The following TTC27 variants were observed in gnomAD, a reference collection of about 807,000 sequenced individuals.
TTC27 encodes the protein tetratricopeptide repeat protein 27.
TTC27 carries 79 observed loss-of-function variants against 115.9 expected under a neutral mutation model. The observed-to-expected ratio is 0.68, with a 90% CI of 0.57 to 0.82. The LOEUF is 0.82. Ranked by LOEUF, TTC27 falls within the 40% of genes least tolerant of loss-of-function variation. The pLI is 0.00. For missense variants in TTC27, 1,054 were observed against 993.1 expected, an observed-to-expected ratio of 1.06 and a Z score of -0.82; for synonymous variants, 401 against 356.0, an observed-to-expected ratio of 1.13 and a Z score of -1.42.
At chr2:32,788,044 C>G (rs1199374801) in intron 16 of TTC27, among the ~76,000 whole-genome samples, 3 of 152,132 alleles carry the variant, frequency 2.0e-5, no homozygotes, top group African/African-American at 4.8e-5. Context: ...CTGAACAGAT[C>G]TCAGTATATT....
Position 32,812,570 on chromosome 2 carries a change from A to G in TTC27, c.2263A>G (p.Thr755Ala). Residue 755 changes from threonine to alanine, a missense_variant, in exon 18 of 20, where the codon ACA becomes GCA. Transcript: ENST00000317907. ...GTCCAATTGTTGGGAGAAAGATATTACATCATTTAAGGAAGTTGTTCAAAG... is the reference window on the plus strand; with the variant it reads ...GTCCAATTGTTGGGAGAAAGATATTGCATCATTTAAGGAAGTTGTTCAAAG... ...TQSNCWEKDI[T>A]SFKEVVQRAL... 6.2e-7 allele frequency: 1 copy of G among 1,614,132 alleles called. No individual in the cohort carries two copies. Among genetic ancestry groups the G allele is most frequent in the Non-Finnish European group, 8.5e-7 (1 of 1,179,964 alleles).
chr2:32,634,085 C>T (rs1664320118), intron 3 of TTC27, 80 bp downstream of exon 3: 4 of 1,448,180 alleles, frequency 2.8e-6, no homozygotes, highest in Non-Finnish European at 3.7e-6. Flanking sequence ...AACTGGAACT[C>T]ATAGTAGGAA....
chr2:32,670,379 C>T (rs114004761), intron 7 of TTC27, among the ~76,000 whole-genome samples: 2,363 of 152,272 alleles, frequency 0.016, 130 homozygotes, highest in Admixed American at 0.11. Flanking sequence ...CGCCATAGTT[C>T]TTTGCAGTCA....
chr2:32,772,607 C>T (rs1309764655), intron 13 of TTC27, among the ~76,000 whole-genome samples: 1 of 152,110 alleles, frequency 6.6e-6, no homozygotes, highest in African/African-American at 2.4e-5. Flanking sequence ...TTTTCTCTAT[C>T]TGTAGTCTAA....
chr2:32,650,038 A>T, intron 4 of TTC27, 93 bp from the exon 5 acceptor site: 1 of 1,020,710 alleles, frequency 9.8e-7, no homozygotes, highest in Non-Finnish European at 1.5e-6. Flanking sequence ...ATTTAATTTT[A>T]TGAATGTAAA....
At chr2:32,820,060 A>G (rs1435901129) in intron 19 of TTC27, among the ~76,000 whole-genome samples, 1 of 152,272 alleles carries the variant, frequency 6.6e-6, no homozygotes, top group South Asian at 2.1e-4. Flanking sequence ...TGTACAAATC[A>G]TGTAGTCAAA....
chr2:32,818,806 G>T (rs186111440), intron 19 of TTC27, among the ~76,000 whole-genome samples: 33 of 152,128 alleles, frequency 2.2e-4, no homozygotes, highest in Admixed American at 5.9e-4. Flanking sequence ...CTCTGTAACC[G>T]CCTTTCTGAG....
intron 19 of TTC27, among the ~76,000 whole-genome samples, chr2:32,819,539 T>G (rs1671612782): frequency 6.6e-6 from 1 of 152,220 alleles, no homozygotes; most frequent in African/African-American, 2.4e-5. Flanking sequence ...TGAGGATAAC[T>G]ATGTTAAATT....
At chr2:32,739,632 C>T (rs906418506) in intron 12 of TTC27, among the ~76,000 whole-genome samples, 1 of 152,140 alleles carries the variant, frequency 6.6e-6, no homozygotes, top group African/African-American at 2.4e-5. Flanking sequence ...TTTAGCCAAA[C>T]AGCCCCCAAA....
In TTC27 at chr2:32,773,182, G is replaced by A. The variant is rs112493037; in HGVS notation, c.1681-4700G>A. ...TCTATTGGCTCCCTGAGACAGAAACGCTAGACAGTCAGCTTTGAAAGGTTA... is the reference window on the plus strand; with the variant it reads ...TCTATTGGCTCCCTGAGACAGAAACACTAGACAGTCAGCTTTGAAAGGTTA... On this transcript the variant is annotated intron_variant, in intron 13 of 19. Transcript: ENST00000317907. Among the ~76,000 whole-genome samples, 6 of 152,250 alleles carry A rather than the reference G, an allele frequency of 3.9e-5. No individual in the cohort carries two copies. In the South Asian group the frequency reaches 1.0e-3, roughly 26 times the overall value.
chr2:32,782,502 C>G, intron 14 of TTC27, 124 bp from the exon 15 acceptor site: 1 of 627,382 alleles, frequency 1.6e-6, no homozygotes, highest in Non-Finnish European at 2.7e-6. Context: ...TAAACACACT[C>G]TTATTGAAAA....
chr2:32,640,453 T>C (rs768737149), intron 4 of TTC27, 43 bp downstream of exon 4: 1 of 1,596,598 alleles, frequency 6.3e-7, no homozygotes, highest in South Asian at 1.1e-5. Context: ...GTATGACTTT[T>C]GTGCTTATTA....
Position 32,821,020 on chromosome 2 carries a change from G to T in TTC27, c.*82G>T. On this transcript the variant is annotated 3_prime_UTR_variant, in exon 20 of 20. Coordinates refer to ENST00000317907, the MANE Select transcript of TTC27 (RefSeq NM_017735.5). ...CTGTATATCTGAAATGCAAGATATTGATTTTTAAAATAAATTTGTTTTATG... is the reference window on the plus strand; with the variant it reads ...CTGTATATCTGAAATGCAAGATATTTATTTTTAAAATAAATTTGTTTTATG... 5.6e-6 allele frequency: 7 copies of T among 1,241,030 alleles called. 1 individual carries two copies. In the African/African-American group the frequency reaches 6.2e-5, roughly 11 times the overall value. 76.9% of individuals were successfully genotyped at this position (1,241,030 alleles called of 1,614,324 possible). A position where few individuals can be genotyped will look rare whatever the true frequency, so the allele number is the denominator to read the frequency against.
chr2:32,760,791 C>T (rs1234951886), intron 13 of TTC27, among the ~76,000 whole-genome samples: 1 of 152,138 alleles, frequency 6.6e-6, no homozygotes, highest in Non-Finnish European at 1.5e-5. Context: ...TAAATCAGTG[C>T]CAGGTGCCTC....
intron 7 of TTC27, among the ~76,000 whole-genome samples, chr2:32,667,448 A>C (rs924104338): frequency 3.2e-5 from 4 of 124,072 alleles, no homozygotes; most frequent in South Asian, 2.5e-4. Flanking sequence ...ATGGAGTCTC[A>C]CTCTATTGCC....
intron 10 of TTC27, among the ~76,000 whole-genome samples, chr2:32,712,194 A>G (rs1408850877): frequency 2.0e-5 from 3 of 152,246 alleles, no homozygotes; most frequent in Non-Finnish European, 4.4e-5. Flanking sequence ...AGACGTGCCA[A>G]ACTTGAAAAG....
At chr2:32,710,208 C>T (rs769003717) in intron 10 of TTC27, among the ~76,000 whole-genome samples, 5 of 151,868 alleles carry the variant, frequency 3.3e-5, no homozygotes, top group East Asian at 1.9e-4. Flanking sequence ...GTTGGGGTTT[C>T]GCCATGTTGG....
At chr2:32,631,841 C>T (rs1171143999) in intron 2 of TTC27, among the ~76,000 whole-genome samples, 2 of 148,494 alleles carry the variant, frequency 1.3e-5, no homozygotes, top group Admixed American at 6.8e-5. Flanking sequence ...GATGGAGTAT[C>T]ACTCTGTTGC....
In TTC27 at chr2:32,781,600, C is replaced by T. The variant is rs1033215403; in HGVS notation, c.1780-1026C>T. 3.3e-5 allele frequency among the ~76,000 whole-genome samples: 5 copies of T among 151,844 alleles called. No individual in the cohort carries two copies. The East Asian group carries it at 9.7e-4, about 29-fold the overall frequency. ...GTGGGTCTGGAGTTGTCCTTATTTT[C>T]TCATAACTCTTTAAAAAAAAAAATC... is the stretch of plus-strand genomic sequence containing the variant. On this transcript the variant is annotated intron_variant, in intron 14 of 19. Coordinates refer to ENST00000317907, the MANE Select transcript of TTC27 (RefSeq NM_017735.5).
Sources: allele counts gnomAD v4.1 joint callset (sites outside exome capture counted in the v4.1 genomes callset), GRCh38; gene constraint gnomAD v4.1.1; transcripts MANE v1.5; gene names NCBI Gene and HGNC (gene_info 2026-07-23, HGNC 2026-07-21).